The following RHEBL1 variants were observed in gnomAD, a reference collection of about 807,000 sequenced individuals.
The protein encoded by RHEBL1 is GTPase RhebL1.
In RHEBL1, 22 loss-of-function variants were observed where a neutral mutation model predicts 27.4. That is an observed-to-expected ratio of 0.80 (90% CI 0.57 to 1.15). The LOEUF is 1.15. Among genes scored for constraint, RHEBL1 ranks in the 50% most tolerant of loss-of-function variants. The pLI is 0.00. For missense variants in RHEBL1, 186 were observed against 226.5 expected (o/e 0.82, Z 1.15); for synonymous variants, 85 against 80.8 (o/e 1.05, Z -0.28).
Position 49,069,850 on chromosome 12 carries a change from G to A in RHEBL1, c.-65C>T, listed in dbSNP as rs1263000427. The A allele has an allele frequency of 4.2e-6, 6 of 1,419,870 alleles. No homozygotes were observed. The highest frequency in any genetic ancestry group is 6.0e-6 in the Non-Finnish European group (6 of 1,007,536). 88.0% of individuals were successfully genotyped at this position (1,419,870 alleles called of 1,614,324 possible). On this transcript the variant is annotated 5_prime_UTR_variant, in exon 1 of 8. Coordinates refer to ENST00000301068, the MANE Select transcript of RHEBL1 (RefSeq NM_144593.3). ...CAGAGAGCCCGAAAACGAGGTCAGG[G>A]TGTGAGCAGGCGCGGCAGCTGGTGC...
At position 49,069,100 on chromosome 12, in the gene RHEBL1, G is replaced by A. The variant is rs763792112; in HGVS notation, c.59C>T (p.Thr20Ile). The A allele has an allele frequency of 7.4e-6, 12 of 1,614,164 alleles. No homozygotes were observed. The highest frequency in any genetic ancestry group is 1.0e-5 in the Non-Finnish European group (12 of 1,180,006). ...VILGYRCVGK[T>I]SLAHQFVEGE... ...TTCCACAAATTGATGTGCCAAAGAT[G>A]TCTTCCCTGTGGGGAGCAGTGTGAC... The change falls in exon 2 of 8, where the codon ACA becomes ATA. Residue 20 changes from threonine to isoleucine, a missense_variant. Around this residue, in one of 3 missense-constraint regions of RHEBL1, gnomAD observed 62 missense variants for 62.1 expected, o/e 1.00. Coordinates refer to ENST00000301068, the MANE Select transcript of RHEBL1 (RefSeq NM_144593.3).
chr12:49,068,429 C>CTTT (rs56316449), intron 2 of RHEBL1, among the ~76,000 whole-genome samples: 22 of 99,616 alleles, frequency 2.2e-4, no homozygotes, highest in African/African-American at 5.0e-4. Context: ...CGGTGCCCAG[C>CTTT]TTTTTTTTTT....
At chr12:49,065,468 A>T in intron 6 of RHEBL1, 37 bp from the exon 7 acceptor site, 1 of 1,535,348 alleles carries the variant, frequency 6.5e-7, no homozygotes, top group Non-Finnish European at 9.0e-7. Flanking sequence ...TGGAGGATAG[A>T]AATGTCAGTA....
Position 49,065,351 on chromosome 12 carries a change from T to C in RHEBL1, c.461A>G (p.Gln154Arg). 6.2e-7 allele frequency: 1 copy of C among 1,613,812 alleles called. No individual in the cohort carries two copies. The highest frequency in any genetic ancestry group is 8.5e-7 in the Non-Finnish European group (1 of 1,179,704). Reference protein sequence around the residue: ...TFMESSARENQLTQGIFTKVI... With the variant: ...TFMESSARENRLTQGIFTKVI... Reference sequence around the variant, plus strand: ...CCTTCTAGTCTTCAGGCCCAGCACCTGATTCTCTCGAGCAGATGACTCCAT... The same window carrying C: ...CCTTCTAGTCTTCAGGCCCAGCACCCGATTCTCTCGAGCAGATGACTCCAT... The change falls in exon 7 of 8, where the codon CAG (glutamine) becomes CGG (arginine). Residue 154 changes from glutamine to arginine, a missense_variant and splice_region_variant. This residue lies in a region of RHEBL1 where 90 missense variants were observed against 95.2 expected (regional missense o/e 0.95). Transcript: ENST00000301068.
intron 6 of RHEBL1, among the ~76,000 whole-genome samples, 191 bp downstream of exon 6, chr12:49,066,040 A>G (rs1367218233): frequency 6.6e-6 from 1 of 152,198 alleles, no homozygotes; most frequent in Non-Finnish European, 1.5e-5. Context: ...CAATGGGTGA[A>G]TCTAGGACTG....
rs1323976491 is a variant in RHEBL1 at position 49,066,684 on chromosome 12, C to T, written c.210G>A (p.Leu70=). The T allele has an allele frequency of 6.2e-7, 1 of 1,613,968 alleles. No homozygotes were observed. The highest frequency in any genetic ancestry group is 1.1e-5 in the South Asian group (1 of 91,084). The change falls in exon 4 of 8, where the codon CTG becomes CTA. Residue 70 remains leucine (L), a synonymous_variant. Transcript: ENST00000301068. ...DTAGQDEYSI[L]PYSFIIGVHG... ...GGACCCCAATGATGAATGAATAGGG[C>T]AGAATGCTGTACTCATCCTGGCAAG...
intron 2 of RHEBL1, 69 bp downstream of exon 2, chr12:49,068,966 G>C: frequency 6.8e-7 from 1 of 1,473,528 alleles, no homozygotes; most frequent in East Asian, 2.3e-5. Context: ...ATAAATTATG[G>C]AGTTGGGTGG....
rs1208515618 is a variant in RHEBL1, at chr12:49,064,842, T to G, written c.*261A>C. ...GCCCAGGACTCATATCCTGACCCCATAGGTTATAACAGAATTCATCAAACA... is the reference window on the plus strand; with the variant it reads ...GCCCAGGACTCATATCCTGACCCCAGAGGTTATAACAGAATTCATCAAACA... On this transcript the variant is annotated 3_prime_UTR_variant, in exon 8 of 8. Coordinates refer to ENST00000301068, the MANE Select transcript of RHEBL1 (RefSeq NM_144593.3). 26 of 470,076 alleles carry G rather than the reference T, an allele frequency of 5.5e-5. No homozygotes were observed. Among genetic ancestry groups the G allele is most frequent in the Admixed American group, 3.0e-4 (9 of 30,242 alleles). 29.1% of individuals were successfully genotyped at this position (470,076 alleles called of 1,614,324 possible). A position where few individuals can be genotyped will look rare whatever the true frequency, so the allele number is the denominator to read the frequency against.
At chr12:49,065,798 G>A (rs1031367840) in intron 6 of RHEBL1, among the ~76,000 whole-genome samples, 3 of 151,962 alleles carry the variant, frequency 2.0e-5, no homozygotes, top group Non-Finnish European at 2.9e-5. Context: ...GGTGGCACGC[G>A]CCTGTAGTCC....
At chr12:49,069,611 C>G in intron 1 of RHEBL1, 123 bp downstream of exon 1, 1 of 869,462 alleles carries the variant, frequency 1.2e-6, no homozygotes, top group Non-Finnish European at 1.9e-6. Flanking sequence ...CTCTTCCAAT[C>G]CTCGCTCTAC....
intron 2 of RHEBL1, 38 bp downstream of exon 2, chr12:49,068,997 C>T: frequency 2.5e-6 from 4 of 1,581,604 alleles, no homozygotes; most frequent in Non-Finnish European, 3.4e-6. Context: ...CCCTCCGGGT[C>T]GCATACCACC....
chr12:49,068,620 G>A (rs150702791), intron 2 of RHEBL1, among the ~76,000 whole-genome samples: 1 of 151,776 alleles, frequency 6.6e-6, no homozygotes, highest in African/African-American at 2.4e-5. Flanking sequence ...ATTTTTAGTA[G>A]AGATGAGGTT....
At position 49,064,802 on chromosome 12, in the gene RHEBL1, T is replaced by C. The variant is rs1938968039; in HGVS notation, c.*301A>G. 1 of 348,744 alleles carries C rather than the reference T, an allele frequency of 2.9e-6. No homozygotes were observed. The highest frequency in any genetic ancestry group is 4.0e-5 in the Admixed American group (1 of 24,914). The allele number at this position is 348,744 out of a possible 1,614,324, so 21.6% of individuals were successfully genotyped here. A position where few individuals can be genotyped will look rare whatever the true frequency, so the allele number is the denominator to read the frequency against. On this transcript the variant is annotated 3_prime_UTR_variant, in exon 8 of 8. Transcript: ENST00000301068. ...CCCAAAACCCACCCAAGAGGATGGG[T>C]CCTGGATAAATAATGCCCAGGACTC...
intron 1 of RHEBL1, among the ~76,000 whole-genome samples, 154 bp downstream of exon 1, chr12:49,069,580 C>G (rs755570631): frequency 1.2e-3 from 56 of 47,016 alleles, no homozygotes; most frequent in Non-Finnish European, 2.1e-3. Context: ...TCTTCCAATC[C>G]TCCACTCTTC....
rs1391390066 is a variant in RHEBL1 at position 49,064,937 on chromosome 12, A to G, written c.*166T>C. Reference sequence around the variant, plus strand: ...CTTTGTAAACATTGACATCCAGGCCACTGGAGCCTGGGGAAAGTGTGCAAA... The same window carrying G: ...CTTTGTAAACATTGACATCCAGGCCGCTGGAGCCTGGGGAAAGTGTGCAAA... On this transcript the variant is annotated 3_prime_UTR_variant, in exon 8 of 8. Transcript: ENST00000301068. The G allele has an allele frequency of 3.3e-6, 2 of 613,590 alleles. No individual in the cohort carries two copies. Among genetic ancestry groups the G allele is most frequent in the Non-Finnish European group, 5.9e-6 (2 of 340,930 alleles). 38.0% of individuals were successfully genotyped at this position (613,590 alleles called of 1,614,324 possible). A position where few individuals can be genotyped will look rare whatever the true frequency, so the allele number is the denominator to read the frequency against.
rs1939009162 is a variant in RHEBL1, at chr12:49,067,028, G to A, written c.132C>T (p.Ser44=). The A allele has an allele frequency of 6.2e-7, 1 of 1,612,880 alleles. No individual in the cohort carries two copies. Among genetic ancestry groups the A allele is most frequent in the South Asian group, 1.1e-5 (1 of 91,052 alleles). The change falls in exon 3 of 8, where the codon AGC becomes AGT. Residue 44 remains serine, a synonymous_variant. Coordinates refer to ENST00000301068, the MANE Select transcript of RHEBL1 (RefSeq NM_144593.3). ...CATCTTTGCCAAGAGTCACTATCTT[G>A]CTGTAAGCTGAAAAGAAAAGAAAAC... ...GYDPTVENTY[S]KIVTLGKDEF...
intron 1 of RHEBL1, 61 bp from the exon 2 acceptor site, chr12:49,069,167 C>G: frequency 6.2e-7 from 1 of 1,613,284 alleles, no homozygotes; most frequent in Non-Finnish European, 8.5e-7. Context: ...ATCCTCTGTC[C>G]TTTCGGACTG....
At chr12:49,068,111 TTC>T (rs1421292235) in intron 2 of RHEBL1, among the ~76,000 whole-genome samples, 1 of 143,990 alleles carries the variant, frequency 6.9e-6, no homozygotes, top group African/African-American at 2.5e-5. Flanking sequence ...CCCCCTTACA[TTC>T]TTTTTATTCT....
At chr12:49,069,314 G>T (rs1001440527) in intron 1 of RHEBL1, 2 of 762,834 alleles carry the variant, frequency 2.6e-6, no homozygotes, top group Non-Finnish European at 4.1e-6. Context: ...ATTCAGAAGC[G>T]CAGCAGGAAG....
Sources: gnomAD v4.1 joint callset for allele counts (sites outside exome capture counted in the v4.1 genomes callset) on GRCh38, gnomAD v4.1.1 for gene constraint, gnomAD v4.1.1 regional missense constraint, MANE v1.5 for transcripts, NCBI Gene and HGNC (gene_info 2026-07-23, HGNC 2026-07-21) for gene names.